SMC2: variants seen among roughly 807,000 people sequenced by gnomAD.
SMC2 encodes structural maintenance of chromosomes protein 2.
Under a neutral mutation model 142.6 loss-of-function variants are expected in SMC2, and 41 were observed. The ratio of observed to expected loss-of-function variants is 0.29; its 90% CI spans 0.22 to 0.37. SMC2 has a LOEUF of 0.37. Ranked by LOEUF, SMC2 falls within the 10% of genes least tolerant of loss-of-function variation. The pLI is 1.00. For synonymous variants in SMC2, 463 were observed against 457.5 expected (o/e 1.01, Z -0.15); for missense variants, 1,265 against 1,373.7 (o/e 0.92, Z 1.25).
chr9:104,092,897 A>T (rs1830043964), upstream of SMC2: 1 of 152,108 alleles, frequency 6.6e-6, no homozygotes, highest in South Asian at 2.1e-4. Context: ...TCCCGAACTG[A>T]CGGTTTTAGC....
intron 9 of SMC2, among the ~76,000 whole-genome samples, chr9:104,111,199 T>G (rs1275350570): frequency 6.6e-6 from 1 of 152,218 alleles, no homozygotes; most frequent in Non-Finnish European, 1.5e-5. Context: ...ATAAAATATT[T>G]TCATATACAT....
In SMC2 at chr9:104,096,171, T is replaced by C. The variant is rs939856718; in HGVS notation, c.192T>C (p.Asp64=). The change falls in exon 3 of 25, where the codon GAT becomes GAC. Residue 64 remains aspartate, a synonymous_variant. Coordinates refer to ENST00000374793, the MANE Select transcript of SMC2 (RefSeq NM_006444.3). The part of the protein sequence containing the change: ...LSQVRASNLQ[D]LVYKNGQAGI... The stretch of plus-strand genomic sequence containing the variant: ...AGGTTCGGGCTTCTAATTTACAAGA[T>C]TTAGTTTACAAAAATGGGCAGGCTG... 1.2e-6 allele frequency: 2 copies of C among 1,613,536 alleles called. No individual in the cohort carries two copies. Among genetic ancestry groups the C allele is most frequent in the Non-Finnish European group, 1.7e-6 (2 of 1,179,790 alleles).
At chr9:104,123,355 C>A (rs750364251) in intron 17 of SMC2, 123 bp downstream of exon 17, 199 of 920,682 alleles carry the variant, frequency 2.2e-4, no homozygotes, top group Admixed American at 4.3e-4. Flanking sequence ...TAGGGAAAAT[C>A]CAAGTATGGG....
In SMC2 at chr9:104,111,772, C is replaced by A. The variant is rs1280153959; in HGVS notation, c.1212C>A (p.Ala404=). The A allele has an allele frequency of 1.9e-6, 3 of 1,613,888 alleles. No homozygotes were observed. In the South Asian group the frequency reaches 3.3e-5, roughly 18 times the overall value. Reference sequence around the variant, plus strand: ...CAACTCTTGCTGGTCAAATGATGGCCTGTAAAAATGATATAAGTAAAGCTC... The same window carrying A: ...CAACTCTTGCTGGTCAAATGATGGCATGTAAAAATGATATAAGTAAAGCTC... The part of the protein sequence containing the change: ...AEATLAGQMM[A]CKNDISKAQT... Residue 404 remains alanine (A), a synonymous_variant, in exon 10 of 25, where the codon GCC becomes GCA. Transcript: ENST00000374793.
chr9:104,117,993 G>GT (rs199960625), intron 14 of SMC2, among the ~76,000 whole-genome samples, 178 bp from the exon 15 acceptor site: 26 of 151,314 alleles, frequency 1.7e-4, no homozygotes, highest in East Asian at 3.9e-4. Context: ...TAAACCTGCA[G>GT]TTTTTTTTTC....
rs771025336 is a variant in SMC2, at chr9:104,114,070, A to G, written c.1521A>G (p.Arg507=). ...EALLARFPNL[R]FAYKDPEKNW... is the part of the protein sequence containing the mutation. ...TATTAGCCAGATTTCCCAATCTTCG[A>G]TTTGCATACAAGTAAGAGACTTAAG... is the stretch of plus-strand genomic sequence containing the variant. The change falls in exon 12 of 25, where the codon CGA becomes CGG. Residue 507 remains arginine (R), a synonymous_variant. Transcript: ENST00000374793. 3.3e-6 allele frequency: 5 copies of G among 1,535,758 alleles called. No individual in the cohort carries two copies. Among genetic ancestry groups the G allele is most frequent in the Non-Finnish European group, 4.4e-6 (5 of 1,124,494 alleles).
At chr9:104,093,711 T>C (rs1830145757), upstream of SMC2, among the ~76,000 whole-genome samples, 1 of 152,192 alleles carries the variant, frequency 6.6e-6, no homozygotes, top group South Asian at 2.1e-4. Context: ...CTACGATCCC[T>C]TTCCGACGTG....
At chr9:104,112,995 CGT>C (rs1832661389) in intron 10 of SMC2, among the ~76,000 whole-genome samples, 1 of 151,980 alleles carries the variant, frequency 6.6e-6, no homozygotes, top group Non-Finnish European at 1.5e-5. Flanking sequence ...TGATTTCTAG[CGT>C]TCTTTTTTTA....
At chr9:104,103,181 A>G (rs1176405909) in intron 9 of SMC2, among the ~76,000 whole-genome samples, 1 of 152,122 alleles carries the variant, frequency 6.6e-6, no homozygotes, top group African/African-American at 2.4e-5. Context: ...GGATAGTTCA[A>G]CATTCAAAAG....
At chr9:104,113,919 G>A (rs1206397245) in intron 11 of SMC2, 45 bp from the exon 12 acceptor site, 1 of 1,199,058 alleles carries the variant, frequency 8.3e-7, no homozygotes, top group African/African-American at 1.6e-5. Context: ...ACAGTAGAGT[G>A]AGCTTTTAAA....
intron 23 of SMC2, among the ~76,000 whole-genome samples, chr9:104,136,290 A>G (rs1004759367): frequency 1.3e-4 from 20 of 152,118 alleles, no homozygotes; most frequent in African/African-American, 4.8e-4. Flanking sequence ...AATGTTCCTT[A>G]TGACCCCCTT....
intron 18 of SMC2, among the ~76,000 whole-genome samples, chr9:104,126,357 C>T (rs559492050): frequency 9.7e-4 from 148 of 151,866 alleles, no homozygotes; most frequent in Non-Finnish European, 1.8e-3. Flanking sequence ...TCATCTGTTA[C>T]GTAGAATGTT....
intron 20 of SMC2, among the ~76,000 whole-genome samples, chr9:104,127,794 C>T (rs1256836942): frequency 1.3e-5 from 2 of 152,032 alleles, no homozygotes; most frequent in Non-Finnish European, 2.9e-5. Context: ...TACTGATGTG[C>T]TAGTAATAAT....
chr9:104,135,872 A>C (rs775442798), intron 23 of SMC2: 1 of 518,890 alleles, frequency 1.9e-6, no homozygotes. Flanking sequence ...TTTCAGACAA[A>C]AACAGCAGAA....
intron 16 of SMC2, among the ~76,000 whole-genome samples, chr9:104,122,549 C>G (rs1833851475): frequency 6.6e-6 from 1 of 151,446 alleles, no homozygotes; most frequent in African/African-American, 2.4e-5. Flanking sequence ...AATTTCACTG[C>G]AACTGAATTA....
chr9:104,095,910 A>G (rs1043088166), intron 2 of SMC2, among the ~76,000 whole-genome samples: 7 of 152,322 alleles, frequency 4.6e-5, no homozygotes, highest in African/African-American at 1.7e-4. Flanking sequence ...ACTTTTTATT[A>G]AAAAATGAAT....
chr9:104,106,314 A>G (rs1425181151), intron 9 of SMC2, among the ~76,000 whole-genome samples: 1 of 152,222 alleles, frequency 6.6e-6, no homozygotes, highest in East Asian at 1.9e-4. Flanking sequence ...CAGGGTCCAC[A>G]TGAGTGACAT....
chr9:104,101,869 TATGTA>T, intron 7 of SMC2, 86 bp from the exon 8 acceptor site: 2 of 748,002 alleles, frequency 2.7e-6, no homozygotes, highest in East Asian at 2.6e-5. Context: ...CAAAATCTAT[TATGTA>T]ATGAGAAATT....
At chr9:104,109,994 A>T (rs944246761) in intron 9 of SMC2, among the ~76,000 whole-genome samples, 3 of 152,226 alleles carry the variant, frequency 2.0e-5, no homozygotes, top group African/African-American at 7.2e-5. Flanking sequence ...ATAATTTTGT[A>T]GCCACCTCCT....
Sources: allele counts gnomAD v4.1 joint callset (sites outside exome capture counted in the v4.1 genomes callset), GRCh38; gene constraint gnomAD v4.1.1; transcripts MANE v1.5; gene names NCBI Gene and HGNC (gene_info 2026-07-23, HGNC 2026-07-21).